The following ORC1 variants were observed in gnomAD, a reference collection of about 807,000 sequenced individuals.
The protein encoded by ORC1 is origin recognition complex subunit 1.
Under a neutral mutation model 98.9 loss-of-function variants are expected in ORC1, and 61 were observed. The observed-to-expected ratio is 0.62, with a 90% CI of 0.50 to 0.76. The LOEUF (loss-of-function observed/expected upper bound fraction) is 0.76. Ranked by LOEUF, ORC1 falls within the 30% of genes least tolerant of loss-of-function variation. The probability of loss-of-function intolerance (pLI) is 0.00; values close to 1 mark genes in which losing one functional copy is unlikely to be tolerated. For missense variants in ORC1, 979 were observed against 1,072.2 expected (o/e 0.91, Z 1.21); for synonymous variants, 385 against 406.9 (o/e 0.95, Z 0.65).
chr1:52,379,772 A>C (rs1647037700), intron 14 of ORC1, among the ~76,000 whole-genome samples: 1 of 151,726 alleles, frequency 6.6e-6, no homozygotes, highest in Non-Finnish European at 1.5e-5. Flanking sequence ...GTCTCTACTA[A>C]AAATACAAAA....
intron 6 of ORC1, among the ~76,000 whole-genome samples, chr1:52,389,726 C>T (rs999606624): frequency 1.3e-5 from 2 of 152,188 alleles, no homozygotes; most frequent in Non-Finnish European, 2.9e-5. Context: ...TATTATGGAA[C>T]AGGTGCTGAA....
intron 3 of ORC1, among the ~76,000 whole-genome samples, chr1:52,400,021 G>C (rs967725500): frequency 1.7e-4 from 26 of 152,170 alleles, no homozygotes; most frequent in Non-Finnish European, 2.9e-5. Context: ...AAAGACTAAA[G>C]TCATCCAATG....
At chr1:52,375,692 TTAAGTACTTAG>T in intron 14 of ORC1, 93 bp from the exon 15 acceptor site, 1 of 1,201,812 alleles carries the variant, frequency 8.3e-7, no homozygotes, top group Non-Finnish European at 1.2e-6. Flanking sequence ...AAGCGTAAAG[TTAAGTACTTAG>T]CCCTGGCAGG....
At chr1:52,381,540 TA>T in intron 14 of ORC1, 101 bp downstream of exon 14, 1 of 1,261,982 alleles carries the variant, frequency 7.9e-7, no homozygotes, top group Non-Finnish European at 1.1e-6. Flanking sequence ...CACGACTTTC[TA>T]AATTTCTCTC....
chr1:52,399,263 C>T (rs1005573712), intron 3 of ORC1, among the ~76,000 whole-genome samples: 7 of 152,248 alleles, frequency 4.6e-5, no homozygotes, highest in Admixed American at 2.0e-4. Flanking sequence ...CCAAGGCAGG[C>T]GGATCACTTG....
At chr1:52,395,918 A>G in intron 5 of ORC1, 128 bp downstream of exon 5, 2 of 1,479,008 alleles carry the variant, frequency 1.4e-6, no homozygotes, top group Non-Finnish European at 1.8e-6. Context: ...TTGCTTGAGC[A>G]TGATCACTTG....
intron 8 of ORC1, among the ~76,000 whole-genome samples, 189 bp downstream of exon 8, chr1:52,388,253 A>G (rs1557577255): frequency 1.3e-5 from 2 of 152,144 alleles, no homozygotes; most frequent in Non-Finnish European, 2.9e-5. Context: ...ATCACTCTCT[A>G]CTAGATTCAT....
In ORC1 at chr1:52,375,585, A is replaced by G. The variant is rs1469306377; in HGVS notation, c.2148T>C (p.Ser716=). 2.5e-6 allele frequency: 4 copies of G among 1,613,864 alleles called. No homozygotes were observed. The highest frequency in any genetic ancestry group is 3.4e-6 in the Non-Finnish European group (4 of 1,180,036). Residue 716 remains serine, a synonymous_variant, in exon 15 of 17, where the codon TCT becomes TCC. Transcript: ENST00000371568. ...TGTCCAGGCACCGTCGTGCATCTCC[A>G]GACAGTGCTGCTACCTACAAGAGGG... ...QLVARKVAAL[S]GDARRCLDIC... is the part of the protein sequence containing the mutation.
intron 1 of ORC1, among the ~76,000 whole-genome samples, chr1:52,403,911 AAACAAGTAG>A (rs897119808): frequency 1.3e-5 from 2 of 152,204 alleles, no homozygotes; most frequent in Non-Finnish European, 1.5e-5. Flanking sequence ...TCAAAGAACG[AAACAAGTAG>A]AGTGCTTTAC....
chr1:52,383,304 C>T (rs1647096250), intron 13 of ORC1, 116 bp downstream of exon 13: 4 of 1,254,850 alleles, frequency 3.2e-6, no homozygotes, highest in Non-Finnish European at 4.6e-6. Flanking sequence ...CCGCCTTGGC[C>T]TCCCAAAGTG....
At chr1:52,380,117 A>C (rs1647041931) in intron 14 of ORC1, among the ~76,000 whole-genome samples, 1 of 152,170 alleles carries the variant, frequency 6.6e-6, no homozygotes. Context: ...CATTCCCAGA[A>C]CACTGCCCTC....
At chr1:52,397,645 T>C in intron 4 of ORC1, 40 bp downstream of exon 4, 1 of 1,599,058 alleles carries the variant, frequency 6.3e-7, no homozygotes, top group South Asian at 1.1e-5. Context: ...CAGACAGAAA[T>C]AAGCTTCAAG....
At chr1:52,385,766 A>T in intron 9 of ORC1, 86 bp downstream of exon 9, 1 of 853,686 alleles carries the variant, frequency 1.2e-6, no homozygotes, top group Non-Finnish European at 2.0e-6. Flanking sequence ...TTTATTAGGT[A>T]GACCAGTGAC....
chr1:52,399,230 T>C (rs940077881), intron 3 of ORC1, among the ~76,000 whole-genome samples: 2 of 152,218 alleles, frequency 1.3e-5, no homozygotes, highest in African/African-American at 4.8e-5. Context: ...GGCTCACGTC[T>C]GTAATCACAG....
intron 10 of ORC1, 125 bp downstream of exon 10, chr1:52,385,036 A>G: frequency 1.3e-6 from 1 of 782,820 alleles, no homozygotes; most frequent in Non-Finnish European, 2.3e-6. Flanking sequence ...TTTGGGCTTC[A>G]GCAACGATTT....
At chr1:52,392,488 A>T (rs1470290299) in intron 6 of ORC1, among the ~76,000 whole-genome samples, 1 of 152,150 alleles carries the variant, frequency 6.6e-6, no homozygotes, top group African/African-American at 2.4e-5. Flanking sequence ...CACTATAGAA[A>T]ACAGTGTGGA....
chr1:52,385,833 G>T lies in ORC1; in HGVS notation c.1481+19C>A. On this transcript the variant is annotated intron_variant, in intron 9 of 16. Transcript: ENST00000371568. ...CCATGGTTCCTGCCTCTCTGAAGGG[G>T]AATCAACAGCAGCAGTACCTCAGTC... The T allele has an allele frequency of 6.4e-7, 1 of 1,570,146 alleles. No individual in the cohort carries two copies. Among genetic ancestry groups the T allele is most frequent in the South Asian group, 1.1e-5 (1 of 90,136 alleles).
rs1188329543 is a variant in ORC1, at chr1:52,393,737, T to A, written c.788A>T (p.Lys263Ile). The A allele has an allele frequency of 6.2e-7, 1 of 1,613,938 alleles. No homozygotes were observed. Among genetic ancestry groups the A allele is most frequent in the East Asian group, 2.2e-5 (1 of 44,902 alleles). Reference protein sequence around the residue: ...CASLDSPGRIKRKVAFSEITS... With the variant: ...CASLDSPGRIIRKVAFSEITS... ...GATCTCCGAGAAGGCCACTTTCCGTTTTATTCTTCCTGGAGAATCCAAGGA... is the reference window on the plus strand; with the variant it reads ...GATCTCCGAGAAGGCCACTTTCCGTATTATTCTTCCTGGAGAATCCAAGGA... The change falls in exon 6 of 17, where the codon AAA becomes ATA. Residue 263 changes from lysine (K) to isoleucine (I), a missense_variant. By Grantham distance (102) the Lys-to-Ile change is moderately radical (BLOSUM62 -3). Coordinates refer to ENST00000371568, the MANE Select transcript of ORC1 (RefSeq NM_004153.4).
rs61753390 is a variant in ORC1, at chr1:52,393,719, G to A, written c.806C>T (p.Ser269Leu). Residue 269 changes from serine (S) to leucine (L), a missense_variant, in exon 6 of 17, where the codon TCG becomes TTG. By Grantham distance (145) the Ser-to-Leu change is moderately radical. Coordinates refer to ENST00000371568, the MANE Select transcript of ORC1 (RefSeq NM_004153.4). ...TCTCTTAGAAGGTGAGGTGATCTCC[G>A]AGAAGGCCACTTTCCGTTTTATTCT... is the stretch of plus-strand genomic sequence containing the variant. The part of the protein sequence containing the change: ...PGRIKRKVAF[S>L]EITSPSKRSQ... 8.6e-3 allele frequency: 13,810 copies of A among 1,613,970 alleles called. 91 individuals carry two copies. The highest frequency in any genetic ancestry group is 9.5e-3 in the Non-Finnish European group (11,252 of 1,179,988).
Sources: gnomAD v4.1 joint callset for allele counts (sites outside exome capture counted in the v4.1 genomes callset) on GRCh38, gnomAD v4.1.1 for gene constraint, MANE v1.5 for transcripts, NCBI Gene and HGNC (gene_info 2026-07-23, HGNC 2026-07-21) for gene names.